The following GCNT2 variants were observed in gnomAD, a reference collection of about 807,000 sequenced individuals.
The protein encoded by GCNT2 is N-acetyllactosaminide beta-1,6-N-acetylglucosaminyl-transferase.
A neutral mutation model predicts 34.2 loss-of-function variants in GCNT2; 34 were observed. That is an observed-to-expected ratio of 1.00 (90% CI 0.76 to 1.32). GCNT2 has a LOEUF of 1.32. Among genes scored for constraint, GCNT2 ranks in the 40% most tolerant of loss-of-function variants. The pLI, the probability that GCNT2 is intolerant of heterozygous loss-of-function variation, is 0.00. For synonymous variants in GCNT2, 212 were observed against 188.0 expected, an observed-to-expected ratio of 1.13 and a Z score of -1.04; for missense variants, 584 against 489.4, an observed-to-expected ratio of 1.19 and a Z score of -1.82.
Position 10,623,457 on chromosome 6 carries a change from A to G in GCNT2, c.1018+2014A>G, listed in dbSNP as rs192758115. Reference sequence around the variant, plus strand: ...CAGGCACCCACCACCACACCCAGCTAATTTTTGTATTTTTAGTAGAGACGG... The same window carrying G: ...CAGGCACCCACCACCACACCCAGCTGATTTTTGTATTTTTAGTAGAGACGG... On this transcript the variant is annotated intron_variant, in intron 4 of 4. Transcript: ENST00000495262. Among the ~76,000 whole-genome samples the G allele has an allele frequency of 1.3e-3, 197 of 151,698 alleles. 1 individual carries two copies. The highest frequency in any genetic ancestry group is 4.4e-3 in the African/African-American group (182 of 41,350).
intron 3 of GCNT2, among the ~76,000 whole-genome samples, chr6:10,595,800 T>C (rs1764827346): frequency 6.6e-6 from 1 of 152,184 alleles, no homozygotes. Flanking sequence ...CCATCCTCTT[T>C]GCAGAGGAGT....
chr6:10,609,776 G>A lies in GCNT2; in HGVS notation c.926-11575G>A, dbSNP rs573189192. ...AGGGAGGAGATAAGCATGAAGCTGG[G>A]TCCAGGGGAACAAATGTAGAAATGT... On this transcript the variant is annotated intron_variant, in intron 3 of 4. Coordinates refer to ENST00000495262, the MANE Select transcript of GCNT2 (RefSeq NM_145649.5). Among the ~76,000 whole-genome samples, 60 of 147,982 alleles carry A rather than the reference G, an allele frequency of 4.1e-4. 2 individuals carry two copies. In the South Asian group the frequency reaches 0.012, roughly 29 times the overall value.
chr6:10,541,482 A>G (rs1434284210), intron 3 of GCNT2, among the ~76,000 whole-genome samples: 1 of 152,174 alleles, frequency 6.6e-6, no homozygotes, highest in Non-Finnish European at 1.5e-5. Context: ...ATACGCGTGC[A>G]TGTATCTTTA....
intron 3 of GCNT2, among the ~76,000 whole-genome samples, chr6:10,584,797 A>G (rs1764270007): frequency 6.6e-6 from 1 of 152,230 alleles, no homozygotes; most frequent in South Asian, 2.1e-4. Flanking sequence ...AGGTTGGGAC[A>G]AAAGTTACAG....
At chr6:10,616,327 G>C (rs1047198571) in intron 3 of GCNT2, among the ~76,000 whole-genome samples, 2 of 150,850 alleles carry the variant, frequency 1.3e-5, no homozygotes, top group African/African-American at 2.4e-5. Context: ...ACAGTAAGCA[G>C]TACAAAGATT....
intron 3 of GCNT2, among the ~76,000 whole-genome samples, chr6:10,550,114 C>T (rs988925363): frequency 6.6e-6 from 1 of 152,092 alleles, no homozygotes; most frequent in Non-Finnish European, 1.5e-5. Context: ...GGTGCAGTGG[C>T]GCAATCTGGG....
chr6:10,570,106 TG>T (rs1184788563), intron 3 of GCNT2, among the ~76,000 whole-genome samples: 1 of 152,098 alleles, frequency 6.6e-6, no homozygotes, highest in Admixed American at 6.6e-5. Flanking sequence ...CAGCTAATTT[TG>T]TAATTTTTGT....
At chr6:10,523,413 C>T (rs944335289) in intron 1 of GCNT2, among the ~76,000 whole-genome samples, 3 of 139,332 alleles carry the variant, frequency 2.2e-5, no homozygotes, top group African/African-American at 5.4e-5. Context: ...GCAACAAGAG[C>T]GAAACTCCGT....
At chr6:10,562,455 C>T (rs1763029828) in intron 3 of GCNT2, among the ~76,000 whole-genome samples, 1 of 152,028 alleles carries the variant, frequency 6.6e-6, no homozygotes, top group South Asian at 2.1e-4. Flanking sequence ...CGGTGGCTCA[C>T]ACCGGTAGTC....
intron 3 of GCNT2, among the ~76,000 whole-genome samples, chr6:10,569,932 TCTTCCTTCCTTCCTTCTTC>T (rs1373170544): frequency 1.6e-4 from 18 of 113,306 alleles, no homozygotes; most frequent in Admixed American, 5.9e-4. Context: ...TTTCTCTCTC[TCTTCCTTCCTTCCTTCTTC>T]CTTCCTTCCT....
At chr6:10,536,343 T>A (rs148371792) in intron 3 of GCNT2, among the ~76,000 whole-genome samples, 3 of 151,994 alleles carry the variant, frequency 2.0e-5, no homozygotes, top group Non-Finnish European at 4.4e-5. Flanking sequence ...GCCAGAAATA[T>A]CGGTTTTTGT....
intron 3 of GCNT2, among the ~76,000 whole-genome samples, chr6:10,555,358 A>G (rs1762648124): frequency 6.6e-6 from 1 of 152,194 alleles, no homozygotes; most frequent in Non-Finnish European, 1.5e-5. Flanking sequence ...GAACACCACT[A>G]TATTTACAAA....
chr6:10,583,660 C>T (rs972806277), intron 3 of GCNT2, among the ~76,000 whole-genome samples: 6 of 152,068 alleles, frequency 3.9e-5, no homozygotes, highest in African/African-American at 1.4e-4. Context: ...CTGCAGCAGC[C>T]CTGGTGGTTT....
intron 3 of GCNT2, among the ~76,000 whole-genome samples, chr6:10,535,406 C>T (rs1761709799): frequency 1.3e-5 from 2 of 152,224 alleles, no homozygotes; most frequent in African/African-American, 2.4e-5. Flanking sequence ...CCACTTCCGT[C>T]TTTTACCCTT....
chr6:10,555,581 C>A (rs1308198806), intron 3 of GCNT2: 1 of 177,578 alleles, frequency 5.6e-6, no homozygotes, highest in East Asian at 1.9e-4. Context: ...CTCACGACTT[C>A]TTCTTTTGAC....
Position 10,621,951 on chromosome 6 carries a change from G to A in GCNT2, c.1018+508G>A, listed in dbSNP as rs567500310. On this transcript the variant is annotated intron_variant, in intron 4 of 4. Transcript: ENST00000495262. ...TCTGGGAGTCCAGCTGTTCAGAGGC[G>A]AAAGCCATCAGGAGGAGAAGTGATG... Among the ~76,000 whole-genome samples, 7 of 152,120 alleles carry A rather than the reference G, an allele frequency of 4.6e-5. No homozygotes were observed. The East Asian group carries it at 5.8e-4, about 13-fold the overall frequency.
chr6:10,587,902 C>A (rs1018618047), intron 3 of GCNT2, among the ~76,000 whole-genome samples: 1 of 152,190 alleles, frequency 6.6e-6, no homozygotes, highest in African/African-American at 2.4e-5. Context: ...CCTGTCTACA[C>A]ACACACACTG....
intron 3 of GCNT2, among the ~76,000 whole-genome samples, chr6:10,574,159 C>T (rs1763683435): frequency 6.6e-6 from 1 of 152,198 alleles, no homozygotes; most frequent in Non-Finnish European, 1.5e-5. Flanking sequence ...CGGGGGCACG[C>T]AGAGGGGCTC....
intron 3 of GCNT2, among the ~76,000 whole-genome samples, chr6:10,531,436 C>G (rs1410958900): frequency 6.6e-6 from 1 of 152,220 alleles, no homozygotes; most frequent in African/African-American, 2.4e-5. Context: ...TTACGATCAT[C>G]TGGGGCTTCT....
Sources: allele counts gnomAD v4.1 joint callset (sites outside exome capture counted in the v4.1 genomes callset), GRCh38; gene constraint gnomAD v4.1.1; transcripts MANE v1.5; gene names NCBI Gene and HGNC (gene_info 2026-07-23, HGNC 2026-07-21).